SEMA4F: variants seen among roughly 807,000 people sequenced by gnomAD.
SEMA4F encodes ssemaphorin 4F, also known as semaphorin-4F.
SEMA4F carries 51 observed loss-of-function variants against 78.4 expected under a neutral mutation model. That is an observed-to-expected ratio of 0.65 (90% CI 0.52 to 0.82). The LOEUF (loss-of-function observed/expected upper bound fraction) is 0.82. SEMA4F is among the 40% of genes least tolerant of loss of function. The pLI, the probability that SEMA4F is intolerant of heterozygous loss-of-function variation, is 0.00. For synonymous variants in SEMA4F, 418 were observed against 408.7 expected, an observed-to-expected ratio of 1.02 and a Z score of -0.27; for missense variants, 938 against 1,014.4, an observed-to-expected ratio of 0.92 and a Z score of 1.02.
intron 5 of SEMA4F, among the ~76,000 whole-genome samples, chr2:74,668,464 A>T (rs986532072): frequency 9.9e-5 from 15 of 151,460 alleles, no homozygotes; most frequent in Non-Finnish European, 1.6e-4. Context: ...GGCTTAAAGA[A>T]TTTTTTTTTT....
chr2:74,703,729 C>A, the SEMA4F span, among the ~76,000 whole-genome samples: 1 of 152,208 alleles, frequency 6.6e-6, no homozygotes, highest in African/African-American at 2.4e-5. Flanking sequence ...CAGTAGGAAC[C>A]AACCCCTGCA....
intron 5 of SEMA4F, 21 bp from the exon 6 acceptor site, chr2:74,673,436 C>T (rs572018786): frequency 2.5e-6 from 4 of 1,613,206 alleles, no homozygotes; most frequent in Non-Finnish European, 3.4e-6. Flanking sequence ...GATAGCCCAT[C>T]TCCTCCCTGT....
In SEMA4F at chr2:74,683,089, T is replaced by C; in HGVS notation, c.*2880T>C. On this transcript the variant is annotated 3_prime_UTR_variant, in exon 14 of 14. Transcript: ENST00000357877. Reference sequence around the variant, plus strand: ...TTCTAGGGACCTGTGAGTATCAGCTTTCTCGATGACAGTCATTTCTGTGTC... The same window carrying C: ...TTCTAGGGACCTGTGAGTATCAGCTCTCTCGATGACAGTCATTTCTGTGTC... 1 of 152,700 alleles carries C rather than the reference T, an allele frequency of 6.5e-6. No individual in the cohort carries two copies. Among genetic ancestry groups the C allele is most frequent in the Non-Finnish European group, 1.5e-5 (1 of 68,352 alleles). The allele number at this position is 152,700 out of a possible 1,614,324, so 9.5% of individuals were successfully genotyped here.
chr2:74,696,325 A>G, the SEMA4F span, among the ~76,000 whole-genome samples: 1 of 151,362 alleles, frequency 6.6e-6, no homozygotes, highest in Non-Finnish European at 1.5e-5. Flanking sequence ...TCTCCCAAGT[A>G]GCTGGGACTA....
At chr2:74,666,804 T>C (rs1558724776) in intron 5 of SEMA4F, among the ~76,000 whole-genome samples, 1 of 152,200 alleles carries the variant, frequency 6.6e-6, no homozygotes, top group Admixed American at 6.5e-5. Context: ...AATAGCAGTA[T>C]TTTGAAATGA....
chr2:74,666,323 T>A (rs530313776), intron 5 of SEMA4F, among the ~76,000 whole-genome samples: 8 of 152,322 alleles, frequency 5.3e-5, no homozygotes, highest in African/African-American at 1.9e-4. Flanking sequence ...TTTTAGTAAA[T>A]GTGCTGCTGA....
chr2:74,657,593 G>C lies in SEMA4F; in HGVS notation c.326G>C (p.Arg109Thr), dbSNP rs1378641878. Residue 109 changes from arginine (R) to threonine (T), a missense_variant, in exon 3 of 14, where the codon AGA (arginine) becomes ACA (threonine). Coordinates refer to ENST00000357877, the MANE Select transcript of SEMA4F (RefSeq NM_004263.5). ...RIDWMVPEAH[R>T]QNCRKKGKKE... ...GACTGGATGGTTCCTGAGGCTCACAGACAGAACTGTAGGAAGAAAGGCAAG... is the reference window on the plus strand; with the variant it reads ...GACTGGATGGTTCCTGAGGCTCACACACAGAACTGTAGGAAGAAAGGCAAG... 10 of 1,614,084 alleles carry C rather than the reference G, an allele frequency of 6.2e-6. No individual in the cohort carries two copies. The highest frequency in any genetic ancestry group is 7.6e-6 in the Non-Finnish European group (9 of 1,180,050).
chr2:74,704,738 C>T, the SEMA4F span, among the ~76,000 whole-genome samples: 1 of 152,100 alleles, frequency 6.6e-6, no homozygotes, highest in Admixed American at 6.5e-5. Context: ...ATGCTCCCAG[C>T]CCTAGCAGAA....
At chr2:74,693,473 A>G in the SEMA4F span, among the ~76,000 whole-genome samples, 1 of 152,318 alleles carries the variant, frequency 6.6e-6, no homozygotes, top group Middle Eastern at 3.4e-3. Flanking sequence ...GAGTCTTTGC[A>G]TTACCTCTAA....
intron 5 of SEMA4F, among the ~76,000 whole-genome samples, chr2:74,669,832 C>T (rs77346030): frequency 0.052 from 7,895 of 151,966 alleles, 670 homozygotes; most frequent in African/African-American, 0.18. Flanking sequence ...TGTGTTTCTT[C>T]GTCTTTTGTG....
In SEMA4F at chr2:74,675,357, G is replaced by C. The variant is rs1265805459; in HGVS notation, c.1345G>C (p.Glu449Gln). The C allele has an allele frequency of 1.9e-6, 3 of 1,613,856 alleles. No homozygotes were observed. The highest frequency in any genetic ancestry group is 2.5e-6 in the Non-Finnish European group (3 of 1,179,916). ...AHRVTSLSGKEYDVLYLGTED... is the reference protein window; with the variant it reads ...AHRVTSLSGKQYDVLYLGTED... The stretch of plus-strand genomic sequence containing the variant: ...CAGGGTGACCAGCCTCTCAGGGAAA[G>C]AGTATGATGTGCTCTACCTGGGGAC... The change falls in exon 10 of 14, where the codon GAG (glutamate) becomes CAG (glutamine). Residue 449 changes from glutamate (E) to glutamine (Q), a missense_variant. Glu to Gln is a conservative substitution (Grantham distance 29). Coordinates refer to ENST00000357877, the MANE Select transcript of SEMA4F (RefSeq NM_004263.5).
At position 74,675,353 on chromosome 2, in the gene SEMA4F, GA is replaced by G. The variant is rs772326689; in HGVS notation, c.1344del (p.Glu449SerfsTer42). 8 of 1,613,958 alleles carry G rather than the reference GA, an allele frequency of 5.0e-6. No homozygotes were observed. The highest frequency in any genetic ancestry group is 5.9e-6 in the Non-Finnish European group (7 of 1,179,910). On this transcript the variant is annotated frameshift_variant, in exon 10 of 14. Transcript: ENST00000357877. LOFTEE classifies it high-confidence loss of function. ...VAHRVTSLSG[K>X]EYDVLYLGTE... ...CCCACAGGGTGACCAGCCTCTCAGG[GA>G]AAGAGTATGATGTGCTCTACCTGGG...
the SEMA4F span, among the ~76,000 whole-genome samples, chr2:74,692,079 G>C: frequency 6.6e-6 from 1 of 152,264 alleles, no homozygotes; most frequent in Non-Finnish European, 1.5e-5. Flanking sequence ...GAAGTACCAG[G>C]CTCTAGGGGC....
At chr2:74,655,369 C>G in intron 1 of SEMA4F, 1 of 322,070 alleles carries the variant, frequency 3.1e-6, no homozygotes. Context: ...GGGCGATTCA[C>G]ATTTTAGACT....
At chr2:74,694,566 A>G in the SEMA4F span, among the ~76,000 whole-genome samples, 1 of 152,154 alleles carries the variant, frequency 6.6e-6, no homozygotes, top group Non-Finnish European at 1.5e-5. Context: ...TCCTATTCCC[A>G]GTCATTCCCA....
the SEMA4F span, among the ~76,000 whole-genome samples, chr2:74,692,859 C>T: frequency 6.6e-6 from 1 of 152,234 alleles, no homozygotes; most frequent in Non-Finnish European, 1.5e-5. Flanking sequence ...TGCAGCTCAT[C>T]TCACTGACCT....
chr2:74,659,238 C>T (rs1487845086), intron 4 of SEMA4F, among the ~76,000 whole-genome samples: 1 of 152,068 alleles, frequency 6.6e-6, no homozygotes, highest in Admixed American at 6.5e-5. Flanking sequence ...ACTGCCATTG[C>T]CATATTTGTC....
chr2:74,701,718 GA>G, the SEMA4F span, among the ~76,000 whole-genome samples: 1 of 152,188 alleles, frequency 6.6e-6, no homozygotes, highest in South Asian at 2.1e-4. Flanking sequence ...GAAAAGAAAT[GA>G]AATTGGAGGA....
At chr2:74,662,453 C>T (rs1420339724) in intron 4 of SEMA4F, among the ~76,000 whole-genome samples, 1 of 152,096 alleles carries the variant, frequency 6.6e-6, no homozygotes, top group Non-Finnish European at 1.5e-5. Flanking sequence ...TTGGGCTGTC[C>T]TAGGAATTTC....
Sources: gnomAD v4.1 joint callset for allele counts (sites outside exome capture counted in the v4.1 genomes callset) on GRCh38, gnomAD v4.1.1 for gene constraint, MANE v1.5 for transcripts, NCBI Gene and HGNC (gene_info 2026-07-23, HGNC 2026-07-21) for gene names.